The following LRRC49 variants were observed in gnomAD, a reference collection of about 807,000 sequenced individuals.
LRRC49 encodes the protein leucine rich repeat containing 49, also known as leucine-rich repeat-containing protein 49.
A neutral mutation model predicts 83.3 loss-of-function variants in LRRC49; 50 were observed. That is an observed-to-expected ratio of 0.60 (90% confidence interval 0.48 to 0.76). The LOEUF (loss-of-function observed/expected upper bound fraction) is 0.76, where lower values mean the gene tolerates loss of function less well. Ranked by LOEUF, LRRC49 falls within the 30% of genes least tolerant of loss-of-function variation. The pLI, the probability that LRRC49 is intolerant of heterozygous loss-of-function variation, is 0.00. For missense variants in LRRC49, 704 were observed against 809.1 expected (o/e 0.87, Z 1.58); for synonymous variants, 286 against 283.3 (o/e 1.01, Z -0.10).
intron 15 of LRRC49, among the ~76,000 whole-genome samples, chr15:71,044,072 T>G (rs899457302): frequency 2.0e-4 from 30 of 152,210 alleles, no homozygotes; most frequent in Admixed American, 5.2e-4. Flanking sequence ...TGACTCACAC[T>G]TGTCCTTCTT....
intron 8 of LRRC49, among the ~76,000 whole-genome samples, chr15:70,939,423 T>C (rs545222676): frequency 1.3e-5 from 2 of 152,318 alleles, no homozygotes; most frequent in South Asian, 4.1e-4. Flanking sequence ...GGTCATTTAG[T>C]CTGTGTTTAA....
intron 8 of LRRC49, among the ~76,000 whole-genome samples, chr15:70,957,609 G>GTC (rs1488012521): frequency 1.3e-5 from 2 of 152,006 alleles, no homozygotes; most frequent in Admixed American, 1.3e-4. Flanking sequence ...TGGGGCAGTG[G>GTC]TCACAGTATC....
upstream of LRRC49, among the ~76,000 whole-genome samples, chr15:70,889,335 A>G (rs2033491959): frequency 1.3e-5 from 2 of 152,086 alleles, no homozygotes; most frequent in African/African-American, 2.4e-5. Context: ...AAATGGCTAC[A>G]GTATGATTTG....
Position 71,009,936 on chromosome 15 carries a change from T to C in LRRC49, c.1537T>C (p.Tyr513His). Residue 513 changes from tyrosine to histidine, a missense_variant, in exon 13 of 16, where the codon TAC becomes CAC. Tyr to His is a moderately conservative substitution (Grantham distance 83). Transcript: ENST00000260382. ...NPVVNFTLWKYYVLFRLSHFS... is the reference protein window; with the variant it reads ...NPVVNFTLWKHYVLFRLSHFS... ...AGTTGTCAATTTTACACTCTGGAAATACTATGTACTGTTTAGGCTAAGCCA... is the reference window on the plus strand; with the variant it reads ...AGTTGTCAATTTTACACTCTGGAAACACTATGTACTGTTTAGGCTAAGCCA... 6.2e-7 allele frequency: 1 copy of C among 1,612,188 alleles called. No individual in the cohort carries two copies. The highest frequency in any genetic ancestry group is 8.5e-7 in the Non-Finnish European group (1 of 1,178,654).
intron 15 of LRRC49, among the ~76,000 whole-genome samples, chr15:71,046,165 G>A (rs551538879): frequency 2.6e-5 from 4 of 152,220 alleles, no homozygotes; most frequent in Admixed American, 1.3e-4. Context: ...ACATATGAGC[G>A]CATGTGTCTT....
chr15:70,940,423 A>T (rs1008531211), intron 8 of LRRC49, among the ~76,000 whole-genome samples: 1 of 151,918 alleles, frequency 6.6e-6, no homozygotes, highest in Non-Finnish European at 1.5e-5. Context: ...TGCCCGGCTA[A>T]TTTTTTTGTG....
rs1210611345 is a variant in LRRC49 at position 70,985,589 on chromosome 15, C to G, written c.1169+1332C>G. On this transcript the variant is annotated intron_variant, in intron 11 of 15. Coordinates refer to ENST00000260382, the MANE Select transcript of LRRC49 (RefSeq NM_017691.5). ...TCCCATTTTGTAAGTTGCCTGTTCACTCTGATGGTAGTTTCTTTTGCTGTG... is the reference window on the plus strand; with the variant it reads ...TCCCATTTTGTAAGTTGCCTGTTCAGTCTGATGGTAGTTTCTTTTGCTGTG... Among the ~76,000 whole-genome samples, 3 of 152,258 alleles carry G rather than the reference C, an allele frequency of 2.0e-5. No homozygotes were observed. In the East Asian group the frequency reaches 5.8e-4, roughly 29 times the overall value.
At chr15:70,892,590 T>C (rs2033628201), upstream of LRRC49, 1 of 1,470,836 alleles carries the variant, frequency 6.8e-7, no homozygotes, top group Non-Finnish European at 9.0e-7. Flanking sequence ...GTGGTGGTTA[T>C]AGCAACCAGT....
At chr15:71,037,957 A>G (rs769352053) in intron 15 of LRRC49, among the ~76,000 whole-genome samples, 2 of 152,164 alleles carry the variant, frequency 1.3e-5, no homozygotes, top group African/African-American at 2.4e-5. Context: ...AAAACTATGT[A>G]GTATTTACCT....
intron 8 of LRRC49, among the ~76,000 whole-genome samples, chr15:70,951,853 A>G (rs2036228861): frequency 6.6e-6 from 1 of 152,160 alleles, no homozygotes; most frequent in Admixed American, 6.5e-5. Flanking sequence ...CTCAAGGGGA[A>G]TGCTTCCAGC....
At chr15:71,032,292 C>G (rs1229160017) in intron 14 of LRRC49, among the ~76,000 whole-genome samples, 1 of 152,068 alleles carries the variant, frequency 6.6e-6, no homozygotes, top group Non-Finnish European at 1.5e-5. Flanking sequence ...TTCTGCTCAC[C>G]CTCTGTGGGT....
At chr15:70,950,971 G>A (rs1038332613) in intron 8 of LRRC49, among the ~76,000 whole-genome samples, 1 of 152,050 alleles carries the variant, frequency 6.6e-6, no homozygotes, top group African/African-American at 2.4e-5. Context: ...TCAATCTTCT[G>A]CATGTGGCTA....
At chr15:70,995,720 T>C (rs2038053042) in intron 11 of LRRC49, among the ~76,000 whole-genome samples, 9 of 152,206 alleles carry the variant, frequency 5.9e-5, no homozygotes, top group Admixed American at 5.9e-4. Flanking sequence ...TTTTGAACTT[T>C]TAAAGTGGCA....
intron 1 of LRRC49, among the ~76,000 whole-genome samples, chr15:70,856,344 T>C (rs1670535524): frequency 6.6e-6 from 1 of 152,170 alleles, no homozygotes; most frequent in Non-Finnish European, 1.5e-5. Flanking sequence ...TAAAGGAATT[T>C]TGGATCTAGA....
chr15:70,919,257 T>C, intron 7 of LRRC49, 64 bp downstream of exon 7: 4 of 1,374,450 alleles, frequency 2.9e-6, no homozygotes, highest in Non-Finnish European at 4.0e-6. Flanking sequence ...GAAACAAATG[T>C]TGTAATATGG....
intron 1 of LRRC49, among the ~76,000 whole-genome samples, chr15:70,857,898 C>T (rs1435919596): frequency 6.6e-6 from 1 of 152,210 alleles, no homozygotes; most frequent in Non-Finnish European, 1.5e-5. Context: ...CTCTGCTGTT[C>T]AGTTTTCTTA....
chr15:71,018,472 AG>A (rs2038896117), intron 14 of LRRC49, among the ~76,000 whole-genome samples: 1 of 152,200 alleles, frequency 6.6e-6, no homozygotes, highest in Non-Finnish European at 1.5e-5. Context: ...CCTTCATTAA[AG>A]TTTTGGGGAG....
intron 1 of LRRC49, among the ~76,000 whole-genome samples, chr15:70,858,475 G>A (rs902281727): frequency 6.6e-6 from 1 of 152,128 alleles, no homozygotes; most frequent in Non-Finnish European, 1.5e-5. Context: ...TTGGTGGCGG[G>A]TGCCTGTAGT....
intron 8 of LRRC49, among the ~76,000 whole-genome samples, chr15:70,937,113 C>T (rs924590233): frequency 6.6e-6 from 1 of 152,026 alleles, no homozygotes; most frequent in African/African-American, 2.4e-5. Flanking sequence ...TTTTGCTGTC[C>T]TTTGTTTGAC....
Sources: allele counts gnomAD v4.1 joint callset (sites outside exome capture counted in the v4.1 genomes callset), GRCh38; gene constraint gnomAD v4.1.1; transcripts MANE v1.5; gene names NCBI Gene and HGNC (gene_info 2026-07-23, HGNC 2026-07-21).